KCNJ3: variants seen among roughly 807,000 people sequenced by gnomAD.
KCNJ3 encodes the protein G protein-activated inward rectifier potassium channel 1.
A neutral mutation model predicts 39.2 loss-of-function variants in KCNJ3; 4 were observed. The ratio of observed to expected loss-of-function variants is 0.10; its 90% CI spans 0.05 to 0.23. KCNJ3 has a LOEUF of 0.23. KCNJ3 is among the 10% of genes least tolerant of loss of function. KCNJ3 has a pLI of 1.00. For synonymous variants in KCNJ3, 230 were observed against 237.4 expected (o/e 0.97, Z 0.29); for missense variants, 276 against 634.9 (o/e 0.43, Z 6.08).
Position 154,763,677 on chromosome 2 carries a change from G to C in KCNJ3, c.919+53858G>C, listed in dbSNP as rs118011977. On this transcript the variant is annotated intron_variant, in intron 2 of 2. Transcript: ENST00000295101. Reference sequence around the variant, plus strand: ...TCCCCTTTCTACTGAAGGGAAGTATGATATGGTAGGATCTTGCATAGTGAG... The same window carrying C: ...TCCCCTTTCTACTGAAGGGAAGTATCATATGGTAGGATCTTGCATAGTGAG... 3.4e-4 allele frequency among the ~76,000 whole-genome samples: 51 copies of C among 152,228 alleles called. 1 individual carries two copies. In the East Asian group the frequency reaches 8.9e-3, roughly 27 times the overall value.
At chr2:154,737,470 T>C (rs762014650) in intron 2 of KCNJ3, among the ~76,000 whole-genome samples, 53 of 115,016 alleles carry the variant, frequency 4.6e-4, no homozygotes, top group Non-Finnish European at 7.6e-4. Flanking sequence ...CAATTAAAAG[T>C]AACCGGCATT....
In KCNJ3 at chr2:154,793,293, G is replaced by A. The variant is rs375716018; in HGVS notation, c.920-61434G>A. Among the ~76,000 whole-genome samples the A allele has an allele frequency of 1.5e-3, 222 of 151,924 alleles. 1 individual carries two copies. The highest frequency in any genetic ancestry group is 1.4e-3 in the Non-Finnish European group (96 of 67,894). On this transcript the variant is annotated intron_variant, in intron 2 of 2. Coordinates refer to ENST00000295101, the MANE Select transcript of KCNJ3 (RefSeq NM_002239.4). ...TTTTCACGACTTCTCTTTGCTCACC[G>A]GAAAATATTCACTGATGACAGTGAA...
intron 2 of KCNJ3, among the ~76,000 whole-genome samples, chr2:154,826,813 C>CGTGTGTGGAT (rs1318482338): frequency 5.3e-5 from 8 of 152,040 alleles, no homozygotes; most frequent in Non-Finnish European, 7.4e-5. Context: ...TGTTTGTGCA[C>CGTGTGTGGAT]GTGTGTGGAT....
rs551741644 is a variant in KCNJ3 at position 154,734,057 on chromosome 2, C to G, written c.919+24238C>G. Among the ~76,000 whole-genome samples, 23 of 152,244 alleles carry G rather than the reference C, an allele frequency of 1.5e-4. No homozygotes were observed. The East Asian group carries it at 3.9e-3, about 26-fold the overall frequency. On this transcript the variant is annotated intron_variant, in intron 2 of 2. Transcript: ENST00000295101. ...GTGAACTTATTTCTAAGGCCTTTTT[C>G]AGGGATTTGGAAGAGCCTTATGCAA...
At chr2:154,789,297 T>C (rs983274787) in intron 2 of KCNJ3, among the ~76,000 whole-genome samples, 4 of 152,020 alleles carry the variant, frequency 2.6e-5, no homozygotes, top group African/African-American at 9.7e-5. Flanking sequence ...TATCTCCTTG[T>C]TTGTTGGAAT....
At chr2:154,787,073 G>GA (rs1191590720) in intron 2 of KCNJ3, among the ~76,000 whole-genome samples, 1 of 151,504 alleles carries the variant, frequency 6.6e-6, no homozygotes, top group African/African-American at 2.4e-5. Flanking sequence ...ATGACCACTA[G>GA]AAAAAAAGGG....
chr2:154,703,487 G>A (rs1383554404), intron 1 of KCNJ3, among the ~76,000 whole-genome samples: 1 of 151,586 alleles, frequency 6.6e-6, no homozygotes. Flanking sequence ...ATATGTGTGT[G>A]TGTGTGTGTG....
intron 2 of KCNJ3, among the ~76,000 whole-genome samples, chr2:154,736,906 G>A (rs1574441162): frequency 6.6e-6 from 1 of 152,182 alleles, no homozygotes. Flanking sequence ...GGGAACCCAG[G>A]TAAAGCATAG....
At chr2:154,704,289 C>T (rs998260988) in intron 1 of KCNJ3, among the ~76,000 whole-genome samples, 6 of 151,866 alleles carry the variant, frequency 4.0e-5, no homozygotes, top group South Asian at 4.2e-4. Flanking sequence ...AATGATAAAG[C>T]GAAGCAGGAA....
chr2:154,709,415 A>G, intron 1 of KCNJ3, 188 bp from the exon 2 acceptor site: 1 of 604,494 alleles, frequency 1.7e-6, no homozygotes. Context: ...TAATGCATGT[A>G]TGTTCCGCAT....
chr2:154,819,234 G>C (rs1687130461), intron 2 of KCNJ3, among the ~76,000 whole-genome samples: 1 of 152,006 alleles, frequency 6.6e-6, no homozygotes, highest in Non-Finnish European at 1.5e-5. Context: ...CCAGAACTTT[G>C]TCCTAGTTTC....
intron 2 of KCNJ3, among the ~76,000 whole-genome samples, chr2:154,737,834 G>A (rs989242369): frequency 6.6e-6 from 1 of 151,978 alleles, no homozygotes; most frequent in African/African-American, 2.4e-5. Context: ...GTGGGGAGAC[G>A]AAATAGTTGA....
chr2:154,812,990 C>T (rs1391868315), intron 2 of KCNJ3, among the ~76,000 whole-genome samples: 1 of 152,080 alleles, frequency 6.6e-6, no homozygotes, highest in Non-Finnish European at 1.5e-5. Context: ...CTAATACAGG[C>T]AGTATCCACA....
chr2:154,759,117 T>C (rs1029141826), intron 2 of KCNJ3, among the ~76,000 whole-genome samples: 3 of 152,194 alleles, frequency 2.0e-5, no homozygotes, highest in East Asian at 3.9e-4. Context: ...AATGCCCATT[T>C]ATAATGTTCA....
intron 2 of KCNJ3, among the ~76,000 whole-genome samples, chr2:154,715,417 AT>A (rs1430891084): frequency 1.3e-5 from 2 of 152,166 alleles, no homozygotes; most frequent in African/African-American, 4.8e-5. Flanking sequence ...ATTTGTGATC[AT>A]GTCATTTTTC....
chr2:154,818,279 CT>C, intron 2 of KCNJ3, among the ~76,000 whole-genome samples: 1 of 151,964 alleles, frequency 6.6e-6, no homozygotes, highest in Non-Finnish European at 1.5e-5. Flanking sequence ...AAGTATGGGT[CT>C]TGGATTGGAG....
chr2:154,768,186 T>C (rs1313159281), intron 2 of KCNJ3, among the ~76,000 whole-genome samples: 1 of 152,256 alleles, frequency 6.6e-6, no homozygotes, highest in Admixed American at 6.5e-5. Flanking sequence ...AGCTCTTTAG[T>C]TTAATTAGAT....
chr2:154,816,119 T>C (rs1346609586), intron 2 of KCNJ3, among the ~76,000 whole-genome samples: 1 of 152,226 alleles, frequency 6.6e-6, no homozygotes, highest in Non-Finnish European at 1.5e-5. Flanking sequence ...AATGATATAA[T>C]GAAGAAAACC....
intron 2 of KCNJ3, among the ~76,000 whole-genome samples, chr2:154,819,767 G>T (rs2105109006): frequency 6.6e-6 from 1 of 152,070 alleles, no homozygotes; most frequent in East Asian, 1.9e-4. Context: ...TTGACCTCGT[G>T]ATCTACCCAC....
Sources: gnomAD v4.1 joint callset for allele counts (sites outside exome capture counted in the v4.1 genomes callset) on GRCh38, gnomAD v4.1.1 for gene constraint, MANE v1.5 for transcripts, NCBI Gene and HGNC (gene_info 2026-07-23, HGNC 2026-07-21) for gene names.